The following FIP1L1 variants were observed in gnomAD, a reference collection of about 807,000 sequenced individuals.
The protein encoded by FIP1L1 is factor interacting with PAPOLA and CPSF1.
FIP1L1 carries 21 observed loss-of-function variants against 84.6 expected under a neutral mutation model. The ratio of observed to expected loss-of-function variants is 0.25; its 90% confidence interval spans 0.18 to 0.36. The LOEUF (loss-of-function observed/expected upper bound fraction) is 0.36. FIP1L1 is among the 10% of genes least tolerant of loss of function. The pLI is 1.00. For missense variants in FIP1L1, 526 were observed against 751.1 expected (o/e 0.70, Z 3.50); for synonymous variants, 263 against 242.3 (o/e 1.09, Z -0.80).
At chr4:53,426,213 T>A (rs908547652) in intron 12 of FIP1L1, among the ~76,000 whole-genome samples, 2 of 152,146 alleles carry the variant, frequency 1.3e-5, no homozygotes, top group Non-Finnish European at 2.9e-5. Flanking sequence ...GTATCTCTTA[T>A]CTGAAATGCT....
In FIP1L1 at chr4:53,379,208, T is replaced by C; in HGVS notation, c.131-17T>C. The stretch of plus-strand genomic sequence containing the variant: ...TTTTGTTTGCTTATTTATTTATTTG[T>C]TTATTTTACTTGGTAGATGAAAATG... On this transcript the variant is annotated splice_polypyrimidine_tract_variant and intron_variant, in intron 2 of 17. Coordinates refer to ENST00000337488, the MANE Select transcript of FIP1L1 (RefSeq NM_030917.4). 2.5e-6 allele frequency: 4 copies of C among 1,606,400 alleles called. No homozygotes were observed. The highest frequency in any genetic ancestry group is 3.4e-6 in the Non-Finnish European group (4 of 1,177,574).
At chr4:53,427,856 G>A (rs1764958828) in intron 12 of FIP1L1, among the ~76,000 whole-genome samples, 171 bp from the exon 13 acceptor site, 2 of 152,140 alleles carry the variant, frequency 1.3e-5, no homozygotes, top group South Asian at 2.1e-4. Context: ...TCACACAGGC[G>A]TATGTATACA....
intron 9 of FIP1L1, among the ~76,000 whole-genome samples, chr4:53,397,787 A>G (rs771626568): frequency 1.3e-5 from 2 of 152,194 alleles, no homozygotes; most frequent in African/African-American, 4.8e-5. Flanking sequence ...GATAATTTCT[A>G]TGGTTCTTTT....
chr4:53,426,552 A>G (rs1241874070), intron 12 of FIP1L1, among the ~76,000 whole-genome samples: 1 of 152,106 alleles, frequency 6.6e-6, no homozygotes, highest in Non-Finnish European at 1.5e-5. Flanking sequence ...GGAATACTCA[A>G]CTTGTATATA....
Position 53,416,796 on chromosome 4 carries a change from T to G in FIP1L1, c.923+2074T>G, listed in dbSNP as rs546558142. Among the ~76,000 whole-genome samples the G allele has an allele frequency of 4.1e-3, 627 of 152,142 alleles. 3 individuals carry two copies. The highest frequency in any genetic ancestry group is 7.8e-3 in the Non-Finnish European group (529 of 67,990). ...CTGTCCAACATGGTGAAACCCTGTC[T>G]CTACTAAAAATACAAAAATTAGCCA... On this transcript the variant is annotated intron_variant, in intron 11 of 17. Coordinates refer to ENST00000337488, the MANE Select transcript of FIP1L1 (RefSeq NM_030917.4).
At chr4:53,378,073 G>T (rs1735567659) in intron 1 of FIP1L1, 150 bp downstream of exon 1, 4 of 631,794 alleles carry the variant, frequency 6.3e-6, no homozygotes, top group Non-Finnish European at 1.0e-5. Flanking sequence ...CGCGGCGTGC[G>T]CGTGCCCCCA....
intron 16 of FIP1L1, among the ~76,000 whole-genome samples, chr4:53,456,872 T>C (rs1486300794): frequency 2.0e-5 from 3 of 152,084 alleles, no homozygotes; most frequent in Admixed American, 2.0e-4. Context: ...CAACAAGAGC[T>C]GGTTTTAGGG....
intron 12 of FIP1L1, among the ~76,000 whole-genome samples, chr4:53,427,583 G>C (rs1764831540): frequency 6.6e-6 from 1 of 152,160 alleles, no homozygotes; most frequent in Admixed American, 6.5e-5. Context: ...ACAGGCCCTT[G>C]TACAGTGAAT....
At chr4:53,450,507 C>T (rs1775935959) in intron 15 of FIP1L1, among the ~76,000 whole-genome samples, 1 of 152,066 alleles carries the variant, frequency 6.6e-6, no homozygotes, top group African/African-American at 2.4e-5. Context: ...TCCATTACAT[C>T]AACCATGCTA....
intron 16 of FIP1L1, among the ~76,000 whole-genome samples, chr4:53,454,995 T>A (rs1423520860): frequency 6.6e-6 from 1 of 152,222 alleles, no homozygotes; most frequent in African/African-American, 2.4e-5. Context: ...CTTGTACTTT[T>A]ATGTTATATA....
chr4:53,433,205 C>G (rs1178026862), intron 13 of FIP1L1, among the ~76,000 whole-genome samples: 3 of 152,178 alleles, frequency 2.0e-5, no homozygotes, highest in Admixed American at 1.3e-4. Flanking sequence ...AATACATTCA[C>G]AATGTTATGT....
Position 53,414,665 on chromosome 4 carries a change from A to T in FIP1L1, c.866A>T (p.Asn289Ile). 1 of 1,613,564 alleles carries T rather than the reference A, an allele frequency of 6.2e-7. No homozygotes were observed. The highest frequency in any genetic ancestry group is 8.5e-7 in the Non-Finnish European group (1 of 1,179,618). ...SQTSTASRKA[N>I]SSVGKWQDRY... ...ACAAGTACTGCCTCCAGAAAAGCCA[A>T]TTCAAGCGTTGGGAAGTGGCAGGAT... Residue 289 changes from asparagine (N) to isoleucine (I), a missense_variant, in exon 11 of 18, where the codon AAT becomes ATT. This residue lies in a region of FIP1L1 where 80 missense variants were observed against 151.1 expected (regional missense o/e 0.53). Transcript: ENST00000337488.
chr4:53,441,392 C>T (rs1028653522), intron 13 of FIP1L1, among the ~76,000 whole-genome samples: 1 of 151,796 alleles, frequency 6.6e-6, no homozygotes, highest in African/African-American at 2.4e-5. Context: ...GGAATACAGA[C>T]ATTGATTATG....
chr4:53,383,957 T>C, intron 5 of FIP1L1, 81 bp downstream of exon 5: 6 of 1,240,608 alleles, frequency 4.8e-6, no homozygotes, highest in South Asian at 3.4e-5. Flanking sequence ...TCTCAGTGGT[T>C]GAGTCCATTG....
intron 10 of FIP1L1, among the ~76,000 whole-genome samples, chr4:53,409,045 C>T (rs1450953025): frequency 2.6e-5 from 4 of 152,212 alleles, no homozygotes; most frequent in Non-Finnish European, 4.4e-5. Context: ...TGAGGAACTG[C>T]GTTCCTTTGG....
intron 9 of FIP1L1, among the ~76,000 whole-genome samples, chr4:53,399,460 G>T (rs1749118316): frequency 6.6e-6 from 1 of 152,152 alleles, no homozygotes; most frequent in African/African-American, 2.4e-5. Context: ...AGGAATTTAT[G>T]AAAGTGCCAA....
intron 3 of FIP1L1, among the ~76,000 whole-genome samples, chr4:53,380,188 TAGC>T (rs1737071940): frequency 6.6e-6 from 1 of 152,152 alleles, no homozygotes; most frequent in Non-Finnish European, 1.5e-5. Flanking sequence ...TGAATATTCA[TAGC>T]AGCATTATTC....
intron 13 of FIP1L1, among the ~76,000 whole-genome samples, chr4:53,434,837 A>G (rs1768378568): frequency 6.6e-6 from 1 of 152,216 alleles, no homozygotes; most frequent in Non-Finnish European, 1.5e-5. Flanking sequence ...ACCTCCGGGA[A>G]TTCCTGGACA....
At chr4:53,442,561 A>G (rs1290655788) in intron 13 of FIP1L1, 92 bp from the exon 14 acceptor site, 12 of 826,190 alleles carry the variant, frequency 1.5e-5, no homozygotes, top group Non-Finnish European at 2.3e-5. Context: ...TCATATCCCC[A>G]GAGAAATTTA....
Sources: gnomAD v4.1 joint callset for allele counts (sites outside exome capture counted in the v4.1 genomes callset) on GRCh38, gnomAD v4.1.1 for gene constraint, gnomAD v4.1.1 regional missense constraint, MANE v1.5 for transcripts, NCBI Gene and HGNC (gene_info 2026-07-23, HGNC 2026-07-21) for gene names.